Variants in PARVB observed in about 807,000 individuals in gnomAD.
PARVB encodes the protein beta-parvin.
In PARVB, 46 loss-of-function variants were observed where a neutral mutation model predicts 47.0. The ratio of observed to expected loss-of-function variants is 0.98; its 90% CI spans 0.77 to 1.25. The LOEUF (loss-of-function observed/expected upper bound fraction) is 1.25. PARVB is among the 50% of genes most tolerant of loss of function. The pLI, the probability that PARVB is intolerant of heterozygous loss-of-function variation, is 0.00. For synonymous variants in PARVB, 196 were observed against 196.3 expected, an observed-to-expected ratio of 1.00 and a Z score of 0.01; for missense variants, 473 against 471.6, an observed-to-expected ratio of 1.00 and a Z score of -0.03.
chr22:44,131,493 T>G lies in PARVB; in HGVS notation c.383T>G (p.Leu128Arg). Residue 128 changes from leucine to arginine, a missense_variant, in exon 5 of 13, where the codon CTG becomes CGG. Leu to Arg is a moderately radical substitution (Grantham distance 102). Coordinates refer to ENST00000338758, the MANE Select transcript of PARVB (RefSeq NM_013327.5). ...CTTGTGCTTCTCATTGCAGAAAAAC[T>G]GGCAGGGTGCAAGCTGAATGTGGCT... ...GQVLQKLLEK[L>R]AGCKLNVAEV... The G allele has an allele frequency of 6.2e-7, 1 of 1,613,612 alleles. No homozygotes were observed. Among genetic ancestry groups the G allele is most frequent in the Non-Finnish European group, 8.5e-7 (1 of 1,179,832 alleles).
chr22:44,143,890 T>C (rs2053609343), intron 8 of PARVB: 1 of 152,358 alleles, frequency 6.6e-6, no homozygotes, highest in Non-Finnish European at 1.5e-5. Context: ...TTCCTCACTC[T>C]CTTCCCCCTC....
intron 2 of PARVB, among the ~76,000 whole-genome samples, chr22:44,095,619 G>C (rs1401563643): frequency 6.6e-6 from 1 of 152,248 alleles, no homozygotes. Flanking sequence ...CTGCCAAGTG[G>C]CCCAGGCCCC....
At chr22:44,157,057 AAGTT>A (rs1201355604) in intron 10 of PARVB, among the ~76,000 whole-genome samples, 2 of 152,252 alleles carry the variant, frequency 1.3e-5, no homozygotes, top group Non-Finnish European at 2.9e-5. Flanking sequence ...AATAAAAAAT[AAGTT>A]AGCAACATTC....
At chr22:44,106,626 A>G (rs1234565513) in intron 3 of PARVB, 1 of 152,004 alleles carries the variant, frequency 6.6e-6, no homozygotes, top group Non-Finnish European at 1.5e-5. Flanking sequence ...AATGGGGGAC[A>G]TTTCCAAGGA....
chr22:44,154,978 G>A, intron 10 of PARVB, among the ~76,000 whole-genome samples: 1 of 124,780 alleles, frequency 8.0e-6, no homozygotes, highest in Admixed American at 9.4e-5. Flanking sequence ...TCTGTGTGGT[G>A]TGTGTGTGGT....
chr22:44,092,482 T>G (rs2052194197), intron 1 of PARVB, among the ~76,000 whole-genome samples: 1 of 152,128 alleles, frequency 6.6e-6, no homozygotes, highest in Non-Finnish European at 1.5e-5. Flanking sequence ...GTCCGCTTTT[T>G]AAGAAGCTGA....
At chr22:44,117,712 A>C (rs1437641996) in intron 3 of PARVB, among the ~76,000 whole-genome samples, 1 of 152,186 alleles carries the variant, frequency 6.6e-6, no homozygotes, top group Non-Finnish European at 1.5e-5. Flanking sequence ...CCAATATTGC[A>C]GGTTGCAGCT....
chr22:44,088,847 C>T (rs1414057588), intron 1 of PARVB, among the ~76,000 whole-genome samples: 8 of 152,170 alleles, frequency 5.3e-5, no homozygotes, highest in Admixed American at 1.3e-4. Context: ...GCTCAGGAAA[C>T]GTTAGTGGTG....
intron 1 of PARVB, among the ~76,000 whole-genome samples, chr22:44,063,223 TTTC>T (rs1353661522): frequency 2.8e-5 from 4 of 141,688 alleles, no homozygotes; most frequent in African/African-American, 1.1e-4. Context: ...GAATATTTCT[TTTC>T]TTTTCTTTTT....
chr22:44,087,955 CT>C (rs2147026246), intron 1 of PARVB, among the ~76,000 whole-genome samples: 1 of 151,390 alleles, frequency 6.6e-6, no homozygotes, highest in East Asian at 1.9e-4. Flanking sequence ...AAAGCTGACG[CT>C]TCCCGAGGGG....
intron 2 of PARVB, among the ~76,000 whole-genome samples, chr22:44,007,026 A>G (rs2050472386): frequency 6.6e-6 from 1 of 152,150 alleles, no homozygotes; most frequent in Non-Finnish European, 1.5e-5. Context: ...GCGGATGCAA[A>G]AGGCACAAAG....
intron 3 of PARVB, chr22:44,106,840 A>G (rs2052579764): frequency 6.6e-6 from 1 of 151,774 alleles, no homozygotes; most frequent in South Asian, 2.1e-4. Flanking sequence ...TGGGTAAGCT[A>G]GGCACTGAGA....
intron 4 of PARVB, among the ~76,000 whole-genome samples, chr22:44,127,445 G>A (rs185786887): frequency 2.0e-3 from 306 of 152,342 alleles, no homozygotes; most frequent in African/African-American, 7.1e-3. Flanking sequence ...TGCCAGGAAT[G>A]ACACTGATGT....
At chr22:44,092,357 C>T (rs1055162970) in intron 1 of PARVB, among the ~76,000 whole-genome samples, 2 of 152,218 alleles carry the variant, frequency 1.3e-5, no homozygotes, top group African/African-American at 4.8e-5. Flanking sequence ...GATCCACCTG[C>T]CTCAGCCTCC....
intron 1 of PARVB, among the ~76,000 whole-genome samples, chr22:44,053,501 A>T (rs1361537476): frequency 6.6e-6 from 1 of 152,232 alleles, no homozygotes; most frequent in African/African-American, 2.4e-5. Context: ...GGTAGCGGGG[A>T]TGCCTGGGAA....
rs1335309196 is a variant in PARVB, at chr22:44,076,943, G to A, written c.113-16985G>A. Among the ~76,000 whole-genome samples the A allele has an allele frequency of 2.0e-5, 3 of 152,112 alleles. No homozygotes were observed. In the East Asian group the frequency reaches 5.8e-4, roughly 29 times the overall value. ...ATCCTGTCTGATACCAGCTTGGCTG[G>A]AAGTCGAATTATGATCAGAATATCA... On this transcript the variant is annotated intron_variant, in intron 1 of 12. Transcript: ENST00000338758.
At chr22:44,152,662 T>G (rs2053836200) in intron 10 of PARVB, 1 of 152,132 alleles carries the variant, frequency 6.6e-6, no homozygotes, top group Non-Finnish European at 1.5e-5. Flanking sequence ...CAAGTCTACT[T>G]CCCCAGCCCC....
chr22:44,122,752 A>T (rs1462146808), intron 4 of PARVB, among the ~76,000 whole-genome samples: 3 of 152,130 alleles, frequency 2.0e-5, no homozygotes, highest in Admixed American at 6.5e-5. Context: ...ATAAAAGGTG[A>T]TGTATTTTGT....
intron 1 of PARVB, among the ~76,000 whole-genome samples, chr22:44,088,428 C>T (rs2052083961): frequency 6.6e-6 from 1 of 152,118 alleles, no homozygotes; most frequent in African/African-American, 2.4e-5. Flanking sequence ...CATCTAACAG[C>T]ACAGGACCAG....
Sources: allele counts gnomAD v4.1 joint callset (sites outside exome capture counted in the v4.1 genomes callset), GRCh38; gene constraint gnomAD v4.1.1; transcripts MANE v1.5; gene names NCBI Gene and HGNC (gene_info 2026-07-23, HGNC 2026-07-21).